STAG2: variants seen among roughly 807,000 people sequenced by gnomAD.
STAG2 encodes STAG2 cohesin complex component.
A neutral mutation model predicts 108.1 loss-of-function variants in STAG2; 14 were observed. The observed-to-expected ratio is 0.13, with a 90% CI of 0.09 to 0.20. The LOEUF is 0.20. Among genes scored for constraint, STAG2 ranks in the 10% least tolerant of loss-of-function variants. STAG2 has a pLI of 1.00. For synonymous variants in STAG2, 307 were observed against 302.7 expected (o/e 1.01, Z -0.15); for missense variants, 440 against 940.9 (o/e 0.47, Z 6.96).
At chrX:123,970,243 C>G (rs2054298292) in intron 1 of STAG2, among the ~76,000 whole-genome samples, 1 of 109,647 alleles carries the variant, frequency 9.1e-6, no homozygotes, top group African/African-American at 3.3e-5. Flanking sequence ...CCTTTGTATT[C>G]CAAGAAAACC....
intron 1 of STAG2, among the ~76,000 whole-genome samples, chrX:123,983,256 T>C (rs1014246888): frequency 9.0e-6 from 1 of 110,806 alleles, no homozygotes; most frequent in African/African-American, 3.3e-5. Flanking sequence ...TATTTAGATG[T>C]ATCTACTTTT....
intron 30 of STAG2, 24 bp from the exon 31 acceptor site, chrX:124,090,551 C>G (rs772670321): frequency 3.4e-6 from 4 of 1,180,076 alleles, no homozygotes; most frequent in Non-Finnish European, 4.6e-6. Flanking sequence ...GTGACTAAAC[C>G]TCGTCGTTAA....
intron 7 of STAG2, among the ~76,000 whole-genome samples, chrX:124,043,156 C>CA (rs2057773158): frequency 9.6e-6 from 1 of 104,062 alleles, no homozygotes; most frequent in African/African-American, 3.5e-5. Flanking sequence ...TTTCCTGAGA[C>CA]AAAGTCTCAC....
At chrX:123,976,828 A>G (rs1318475890) in intron 1 of STAG2, among the ~76,000 whole-genome samples, 1 of 111,975 alleles carries the variant, frequency 8.9e-6, no homozygotes, top group Non-Finnish European at 1.9e-5. Flanking sequence ...TTTGAATCCA[A>G]TTCTGCCTAA....
intron 7 of STAG2, among the ~76,000 whole-genome samples, chrX:124,043,100 C>A (rs917425910): frequency 1.8e-5 from 2 of 109,274 alleles, no homozygotes; most frequent in Admixed American, 9.8e-5. Flanking sequence ...CCTGTGCGAC[C>A]TTTGGCAGGT....
At chrX:124,045,514 G>A (rs1019807389) in intron 8 of STAG2, 146 bp downstream of exon 8, 55 of 493,239 alleles carry the variant, frequency 1.1e-4, no homozygotes, top group African/African-American at 9.5e-4. Flanking sequence ...TCCCTCCTGC[G>A]AATTCCTGGA....
chrX:124,071,546 A>G (rs1432381093), intron 25 of STAG2, among the ~76,000 whole-genome samples: 1 of 111,699 alleles, frequency 9.0e-6, no homozygotes, highest in African/African-American at 3.3e-5. Flanking sequence ...TCTCACTAGC[A>G]CTGAGTCTGC....
chrX:123,980,712 C>CA (rs769494606), intron 1 of STAG2, among the ~76,000 whole-genome samples: 1 of 111,076 alleles, frequency 9.0e-6, no homozygotes, highest in Non-Finnish European at 1.9e-5. Flanking sequence ...TCTACAAAGT[C>CA]AAATAGAATT....
At chrX:123,979,297 C>T (rs2054765541) in intron 1 of STAG2, among the ~76,000 whole-genome samples, 1 of 111,119 alleles carries the variant, frequency 9.0e-6, no homozygotes, top group Non-Finnish European at 1.9e-5. Context: ...ATATTACCAT[C>T]AAACATACAT....
At position 124,038,992 on chromosome X, in the gene STAG2, G is replaced by A. The variant is rs180893462; in HGVS notation, c.385+1369G>A. 9.1e-5 allele frequency among the ~76,000 whole-genome samples: 10 copies of A among 110,031 alleles called. No individual in the cohort carries two copies. In the East Asian group the frequency reaches 2.8e-3, roughly 31 times the overall value. On this transcript the variant is annotated intron_variant, in intron 6 of 34. Transcript: ENST00000371145. ...TTTTTCTGGGGTAGGATGGATATAAGTACCTGCTTGTTGTGTCATATAATC... is the reference window on the plus strand; with the variant it reads ...TTTTTCTGGGGTAGGATGGATATAAATACCTGCTTGTTGTGTCATATAATC...
At chrX:124,051,246 T>A in intron 12 of STAG2, 27 bp downstream of exon 12, 1 of 1,159,012 alleles carries the variant, frequency 8.6e-7, no homozygotes, top group Non-Finnish European at 1.2e-6. Context: ...AATTTACAAA[T>A]AACTTGTCAT....
intron 1 of STAG2, among the ~76,000 whole-genome samples, chrX:123,999,701 G>A (rs983635415): frequency 1.8e-5 from 2 of 110,848 alleles, no homozygotes; most frequent in African/African-American, 3.3e-5. Context: ...AACAACCTCC[G>A]CCTCCTGGGC....
chrX:124,040,522 G>A (rs146249693), intron 6 of STAG2, among the ~76,000 whole-genome samples: 1,759 of 109,853 alleles, frequency 0.016, 16 homozygotes, highest in Non-Finnish European at 0.025. Flanking sequence ...AATGGAGTTT[G>A]TGATAGCTAC....
chrX:124,003,751 G>A (rs1270734132), intron 1 of STAG2: 1 of 111,543 alleles, frequency 9.0e-6, no homozygotes, highest in Non-Finnish European at 1.9e-5. Context: ...TGAAAAGGTA[G>A]GGTAAATACT....
intron 1 of STAG2, among the ~76,000 whole-genome samples, chrX:124,002,812 CTTTTTTTT>C (rs111999061): frequency 1.1e-5 from 1 of 92,945 alleles, no homozygotes; most frequent in Non-Finnish European, 2.1e-5. Flanking sequence ...TTCTTTCTTT[CTTTTTTTT>C]TTTTTTTGTA....
chrX:124,062,884 G>A lies in STAG2; in HGVS notation c.1639-18G>A, dbSNP rs1477221169. On this transcript the variant is annotated intron_variant, in intron 17 of 34. Coordinates refer to ENST00000371145, the MANE Select transcript of STAG2 (RefSeq NM_001042750.2). The stretch of plus-strand genomic sequence containing the variant: ...GCTAATGGGCTTAATAAATACAGAA[G>A]TCTTTCTGTTCCTTTAGGTGCTTAC... 2 of 1,167,895 alleles carry A rather than the reference G, an allele frequency of 1.7e-6. No individual in the cohort carries two copies. The highest frequency in any genetic ancestry group is 3.6e-5 in the South Asian group (2 of 55,046).
In STAG2 at chrX:124,083,560, G is replaced by T. The variant is rs150089369; in HGVS notation, c.3053+11G>T. On this transcript the variant is annotated intron_variant, in intron 29 of 34. Coordinates refer to ENST00000371145, the MANE Select transcript of STAG2 (RefSeq NM_001042750.2). The stretch of plus-strand genomic sequence containing the variant: ...AGACAAAAGAACAGTGTATGTATTT[G>T]CTGGAAATGTCCTATTTAATTTCAT... 1,402 of 1,139,428 alleles carry T rather than the reference G, an allele frequency of 1.2e-3. 9 individuals carry two copies. In the African/African-American group the frequency reaches 0.022, roughly 18 times the overall value. 93.9% of individuals were successfully genotyped at this position (1,139,428 alleles called of 1,213,427 possible).
At chrX:124,046,217 T>G (rs2057872850) in intron 8 of STAG2, among the ~76,000 whole-genome samples, 1 of 112,271 alleles carries the variant, frequency 8.9e-6, no homozygotes, top group Non-Finnish European at 1.9e-5. Flanking sequence ...GTTGGTTTGT[T>G]TTTTATTTAT....
intron 5 of STAG2, among the ~76,000 whole-genome samples, chrX:124,036,465 G>A (rs916618150): frequency 1.8e-5 from 2 of 111,704 alleles, no homozygotes; most frequent in Admixed American, 1.9e-4. Context: ...GCTCACTGCA[G>A]CCTTCATCTC....
Sources: allele counts gnomAD v4.1 joint callset (sites outside exome capture counted in the v4.1 genomes callset), GRCh38; gene constraint gnomAD v4.1.1; transcripts MANE v1.5; gene names NCBI Gene and HGNC (gene_info 2026-07-23, HGNC 2026-07-21).